The following LYPD5 variants were observed in gnomAD, a reference collection of about 807,000 sequenced individuals.
LYPD5 encodes LY6/PLAUR domain containing 5, also known as ly6/PLAUR domain-containing protein 5.
In LYPD5, 21 loss-of-function variants were observed where a neutral mutation model predicts 19.1. That is an observed-to-expected ratio of 1.10 (90% confidence interval 0.78 to 1.58). The LOEUF (loss-of-function observed/expected upper bound fraction) is 1.58, where lower values mean the gene tolerates loss of function less well. Ranked by LOEUF, LYPD5 falls within the 40% of genes most tolerant of loss-of-function variation. The pLI, the probability that LYPD5 is intolerant of heterozygous loss-of-function variation, is 0.00. For synonymous variants in LYPD5, 128 were observed against 142.7 expected (o/e 0.90, Z 0.74); for missense variants, 287 against 329.8 (o/e 0.87, Z 1.00).
At chr19:43,819,160 C>A (rs771554306) in intron 1 of LYPD5, among the ~76,000 whole-genome samples, 1 of 151,782 alleles carries the variant, frequency 6.6e-6, no homozygotes, top group Non-Finnish European at 1.5e-5. Context: ...TTTTCTATTT[C>A]TTTAACTTGT....
At chr19:43,798,743 C>A in intron 3 of LYPD5, 69 bp downstream of exon 3, 2 of 1,569,122 alleles carry the variant, frequency 1.3e-6, no homozygotes, top group Non-Finnish European at 1.7e-6. Context: ...CAGCGGAGGC[C>A]ACGCCTTCCC....
At chr19:43,803,687 C>G (rs997453124), upstream of LYPD5, among the ~76,000 whole-genome samples, 3 of 152,136 alleles carry the variant, frequency 2.0e-5, no homozygotes, top group Non-Finnish European at 2.9e-5. Flanking sequence ...GTATTGTTTT[C>G]TATTTCTATT....
chr19:43,809,100 C>T (rs1041508301), intron 1 of LYPD5, among the ~76,000 whole-genome samples: 2 of 152,110 alleles, frequency 1.3e-5, no homozygotes, highest in African/African-American at 2.4e-5. Context: ...AGTGCAACGG[C>T]GTGGTCTCGG....
intron 1 of LYPD5, among the ~76,000 whole-genome samples, chr19:43,814,187 A>C (rs752306090): frequency 6.6e-5 from 10 of 152,298 alleles, no homozygotes; most frequent in Admixed American, 2.0e-4. Flanking sequence ...ATTGGGCCAC[A>C]TCTCACTCCA....
chr19:43,797,879 T>G, intron 4 of LYPD5, 50 bp from the exon 5 acceptor site: 1 of 1,403,564 alleles, frequency 7.1e-7, no homozygotes, highest in East Asian at 2.3e-5. Context: ...GGGAGACAGC[T>G]GCACCTGAAC....
In LYPD5 at chr19:43,816,063, T is replaced by TATCTATCTATCTATCTATCA. The variant is rs1555729541; in HGVS notation, c.-66+4476_-66+4477insTGATAGATAGATAGATAGAT. Among the ~76,000 whole-genome samples, 800 of 152,072 alleles carry TATCTATCTATCTATCTATCA rather than the reference T, an allele frequency of 5.3e-3. 10 individuals carry two copies. Among genetic ancestry groups the TATCTATCTATCTATCTATCA allele is most frequent in the African/African-American group, 0.018 (739 of 41,430 alleles). On this transcript the variant is annotated intron_variant, in intron 1 of 4. Coordinates refer to the LYPD5 transcript ENST00000414615. ...CTATCTATCTATCTATCTATCTATC[T>TATCTATCTATCTATCTATCA]ATCTATCTATCTATCTACCTATCAT... is the stretch of plus-strand genomic sequence containing the variant.
chr19:43,798,881 G>A lies in LYPD5; in HGVS notation c.301C>T (p.Arg101Cys). 1.2e-6 allele frequency: 2 copies of A among 1,606,534 alleles called. No homozygotes were observed. Among genetic ancestry groups the A allele is most frequent in the Admixed American group, 1.7e-5 (1 of 58,840 alleles). ...DALPPDYSVV[R>C]GCTTDKCNAH... ...TTGCATTTGTCAGTTGTGCAGCCGC[G>A]CACCACCGAGTAGTCTGGCGGCAGC... Residue 101 changes from arginine to cysteine, a missense_variant, in exon 3 of 5, where the codon CGC becomes TGC. Transcript: ENST00000377950.
upstream of LYPD5, among the ~76,000 whole-genome samples, chr19:43,804,692 C>G (rs895633367): frequency 6.6e-6 from 1 of 152,172 alleles, no homozygotes; most frequent in Non-Finnish European, 1.5e-5. Flanking sequence ...GTTTTGCATA[C>G]AAATTATTCT....
chr19:43,813,780 CG>C (rs1341272864), intron 1 of LYPD5, among the ~76,000 whole-genome samples: 1 of 152,122 alleles, frequency 6.6e-6, no homozygotes, highest in Non-Finnish European at 1.5e-5. Flanking sequence ...CTCTGCCTCC[CG>C]GGTTCAAGTG....
intron 1 of LYPD5, among the ~76,000 whole-genome samples, chr19:43,814,765 G>C (rs866086006): frequency 6.6e-6 from 1 of 152,202 alleles, no homozygotes; most frequent in Non-Finnish European, 1.5e-5. Flanking sequence ...TGACATGAGA[G>C]TCTGAGCTGT....
intron 1 of LYPD5, among the ~76,000 whole-genome samples, chr19:43,807,844 A>G (rs1970285352): frequency 6.6e-6 from 1 of 152,186 alleles, no homozygotes. Context: ...GCAATGCCCA[A>G]GGGGCTGACA....
chr19:43,797,622 G>T lies in LYPD5; in HGVS notation c.725C>A (p.Pro242Gln), dbSNP rs1348588208. 1.9e-6 allele frequency: 3 copies of T among 1,611,202 alleles called. No homozygotes were observed. The highest frequency in any genetic ancestry group is 2.2e-5 in the South Asian group (2 of 90,830). ...RALQVLALLL[P>Q]VLLLVGLSA ...TGAGAGCCCCACCAGCAGGAGGACT[G>T]GGAGGAGCAGGGCCAGGACCTGTAG... Residue 242 changes from proline to glutamine, a missense_variant, in exon 5 of 5, where the codon CCA (proline) becomes CAA (glutamine). Pro to Gln is a moderately conservative substitution (Grantham distance 76). Transcript: ENST00000377950.
chr19:43,805,984 C>G (rs920640833), upstream of LYPD5, among the ~76,000 whole-genome samples: 1 of 152,174 alleles, frequency 6.6e-6, no homozygotes, highest in Non-Finnish European at 1.5e-5. Flanking sequence ...AACAACTCCC[C>G]TTTCTTCTAT....
At chr19:43,813,898 G>A (rs796825665) in intron 1 of LYPD5, among the ~76,000 whole-genome samples, 30 of 152,282 alleles carry the variant, frequency 2.0e-4, no homozygotes, top group African/African-American at 7.0e-4. Context: ...ATGTTGGCCA[G>A]GCTGGTCTCG....
chr19:43,799,564 TTCC>T lies in LYPD5; in HGVS notation c.193+139_193+141del, dbSNP rs1407435712. 9 of 975,068 alleles carry T rather than the reference TTCC, an allele frequency of 9.2e-6. No homozygotes were observed. In the South Asian group the frequency reaches 1.0e-4, roughly 11 times the overall value. 60.4% of individuals were successfully genotyped at this position (975,068 alleles called of 1,614,324 possible). On this transcript the variant is annotated intron_variant, in intron 2 of 4. Coordinates refer to ENST00000377950, the MANE Select transcript of LYPD5 (RefSeq NM_001031749.3). ...GCCCTCATCCACCCTTTTCTTTTTC[TTCC>T]TCCTCTTCTTCCTCTCCCTCCCCAT...
In LYPD5 at chr19:43,798,806, G is replaced by C. The variant is rs762186634; in HGVS notation, c.370+6C>G. ...TCCCGGAGCCCAGCCCCGCTCTCCC[G>C]CGCACCTTGGCTCAGGTTGGGGAGG... On this transcript the variant is annotated splice_donor_region_variant and intron_variant, in intron 3 of 4. Transcript: ENST00000377950. 6.2e-7 allele frequency: 1 copy of C among 1,605,804 alleles called. No individual in the cohort carries two copies. Among genetic ancestry groups the C allele is most frequent in the Non-Finnish European group, 8.5e-7 (1 of 1,176,208 alleles).
intron 1 of LYPD5, among the ~76,000 whole-genome samples, chr19:43,813,893 G>C (rs1970347569): frequency 6.6e-6 from 1 of 152,120 alleles, no homozygotes; most frequent in Non-Finnish European, 1.5e-5. Context: ...TCACCATGTT[G>C]GCCAGGCTGG....
chr19:43,810,190 G>A (rs1970307800), intron 1 of LYPD5, among the ~76,000 whole-genome samples: 1 of 151,484 alleles, frequency 6.6e-6, no homozygotes, highest in African/African-American at 2.5e-5. Context: ...CATGGCATCT[G>A]CAAAACAAAA....
intron 1 of LYPD5, among the ~76,000 whole-genome samples, chr19:43,813,687 A>G (rs1477928328): frequency 2.0e-5 from 3 of 152,014 alleles, no homozygotes; most frequent in Non-Finnish European, 4.4e-5. Context: ...TTATTTGTGT[A>G]TTTATGTATT....
Sources: gnomAD v4.1 joint callset for allele counts (sites outside exome capture counted in the v4.1 genomes callset) on GRCh38, gnomAD v4.1.1 for gene constraint, MANE v1.5 for transcripts, NCBI Gene and HGNC (gene_info 2026-07-23, HGNC 2026-07-21) for gene names.